The following NRXN1 variants were observed in gnomAD, a reference collection of about 807,000 sequenced individuals.
NRXN1 encodes the protein neurexin-1.
NRXN1 carries 39 observed loss-of-function variants against 150.9 expected under a neutral mutation model. The ratio of observed to expected loss-of-function variants is 0.26; its 90% CI spans 0.20 to 0.34. The LOEUF (loss-of-function observed/expected upper bound fraction) is 0.34. Among genes scored for constraint, NRXN1 ranks in the 10% least tolerant of loss-of-function variants. The pLI is 1.00. For synonymous variants in NRXN1, 924 were observed against 757.0 expected (o/e 1.22, Z -3.62); for missense variants, 1,815 against 1,949.9 (o/e 0.93, Z 1.30).
rs115583828 is a variant in NRXN1, at chr2:50,404,396, C to A, written c.3364+61046G>T. ...CTGAGGTGTGTGAACTCTGAACATT[C>A]TTCTTTAACCTCCCTAGTGGAAACC... On this transcript the variant is annotated intron_variant, in intron 17 of 22. Coordinates refer to ENST00000401669, the MANE Select transcript of NRXN1 (RefSeq NM_001330078.2). Among the ~76,000 whole-genome samples, 432 of 152,202 alleles carry A rather than the reference C, an allele frequency of 2.8e-3. 2 individuals are homozygous for A. The highest frequency in any genetic ancestry group is 5.0e-3 in the Non-Finnish European group (341 of 67,986).
chr2:50,201,728 C>T (rs1216617792), intron 18 of NRXN1, among the ~76,000 whole-genome samples: 5 of 152,256 alleles, frequency 3.3e-5, no homozygotes, highest in African/African-American at 1.2e-4. Context: ...GTTAGTAATT[C>T]AGGGGTACTT....
intron 17 of NRXN1, among the ~76,000 whole-genome samples, chr2:50,447,753 A>T (rs1396079270): frequency 3.4e-5 from 2 of 59,346 alleles, no homozygotes; most frequent in Non-Finnish European, 6.9e-5. Context: ...ATATATATAT[A>T]TATATATATA....
intron 5 of NRXN1, among the ~76,000 whole-genome samples, chr2:50,699,652 T>A (rs986214125): frequency 1.3e-5 from 2 of 151,210 alleles, no homozygotes; most frequent in Non-Finnish European, 2.9e-5. Context: ...CAGAAGGGAG[T>A]GAATTTAGTC....
chr2:50,265,947 TA>T (rs1316982548), intron 17 of NRXN1, among the ~76,000 whole-genome samples: 2 of 149,890 alleles, frequency 1.3e-5, no homozygotes, highest in African/African-American at 4.9e-5. Context: ...ACCAATTTTT[TA>T]TTTTATTTAT....
chr2:50,164,703 C>T (rs1030417679), intron 18 of NRXN1, among the ~76,000 whole-genome samples: 1 of 152,154 alleles, frequency 6.6e-6, no homozygotes, highest in Admixed American at 6.5e-5. Context: ...ACCGCCTAAT[C>T]CTCCTTCCCT....
intron 17 of NRXN1, among the ~76,000 whole-genome samples, chr2:50,348,675 A>C (rs2078213233): frequency 6.6e-6 from 1 of 152,182 alleles, no homozygotes; most frequent in Non-Finnish European, 1.5e-5. Flanking sequence ...AAGACCAGCA[A>C]AGCCAGCATA....
At chr2:50,630,208 A>C (rs1573880869) in intron 5 of NRXN1, among the ~76,000 whole-genome samples, 1 of 151,620 alleles carries the variant, frequency 6.6e-6, no homozygotes, top group African/African-American at 2.4e-5. Flanking sequence ...ATAAAAACAA[A>C]CTTCTTATAG....
At chr2:50,558,189 C>T (rs1338591053) in intron 8 of NRXN1, among the ~76,000 whole-genome samples, 2 of 152,068 alleles carry the variant, frequency 1.3e-5, no homozygotes, top group Non-Finnish European at 2.9e-5. Flanking sequence ...ATAATTATTT[C>T]CTATTACCAT....
intron 5 of NRXN1, among the ~76,000 whole-genome samples, chr2:50,718,428 A>T (rs1696154687): frequency 6.6e-6 from 1 of 152,196 alleles, no homozygotes; most frequent in African/African-American, 2.4e-5. Flanking sequence ...TTCTGTTCTC[A>T]AAAATCAAAC....
At chr2:50,992,111 G>A (rs976424882) in intron 2 of NRXN1, among the ~76,000 whole-genome samples, 5 of 151,980 alleles carry the variant, frequency 3.3e-5, no homozygotes, top group African/African-American at 7.2e-5. Context: ...GAAAGAGAGA[G>A]AGAAGAATAA....
intron 17 of NRXN1, among the ~76,000 whole-genome samples, chr2:50,314,822 TATTG>T (rs1235475294): frequency 6.6e-6 from 1 of 152,054 alleles, no homozygotes; most frequent in Non-Finnish European, 1.5e-5. Flanking sequence ...TGTTCACTTC[TATTG>T]TGGCCTGAGC....
At chr2:50,140,239 G>C (rs762919616) in intron 18 of NRXN1, among the ~76,000 whole-genome samples, 4 of 152,112 alleles carry the variant, frequency 2.6e-5, no homozygotes, top group Non-Finnish European at 5.9e-5. Flanking sequence ...ACATACACCT[G>C]ACTTCAGGGA....
intron 5 of NRXN1, among the ~76,000 whole-genome samples, chr2:50,840,493 T>C (rs1333680003): frequency 2.0e-5 from 3 of 152,052 alleles, no homozygotes; most frequent in African/African-American, 7.2e-5. Flanking sequence ...ATTATGACAA[T>C]GAAAAGTAGC....
chr2:50,868,797 T>C (rs918706047), intron 5 of NRXN1, among the ~76,000 whole-genome samples: 7 of 151,784 alleles, frequency 4.6e-5, no homozygotes, highest in African/African-American at 7.2e-5. Flanking sequence ...TGAGGAAACA[T>C]TGGTTTACCT....
At chr2:50,755,006 T>C (rs965043446) in intron 5 of NRXN1, among the ~76,000 whole-genome samples, 1 of 151,828 alleles carries the variant, frequency 6.6e-6, no homozygotes, top group Admixed American at 6.6e-5. Context: ...TATCTCCCAT[T>C]GATGTAGATT....
At chr2:50,390,532 AC>A (rs1223478268) in intron 17 of NRXN1, among the ~76,000 whole-genome samples, 1 of 152,154 alleles carries the variant, frequency 6.6e-6, no homozygotes, top group African/African-American at 2.4e-5. Flanking sequence ...GTGACAGGAG[AC>A]CTTGGTAAGT....
intron 8 of NRXN1, among the ~76,000 whole-genome samples, chr2:50,565,733 T>C (rs570243550): frequency 1.3e-5 from 2 of 152,240 alleles, no homozygotes; most frequent in East Asian, 1.9e-4. Context: ...CCAGCCTACT[T>C]ATCATTACTA....
intron 18 of NRXN1, among the ~76,000 whole-genome samples, chr2:50,211,762 C>G (rs7560135): frequency 0.099 from 14,986 of 151,320 alleles, 871 homozygotes; most frequent in South Asian, 0.16. Context: ...ATACATATTA[C>G]ACTCTTGGTT....
At position 50,888,831 on chromosome 2, in the gene NRXN1, A is replaced by C. The variant is rs906406143; in HGVS notation, c.832+33038T>G. Reference sequence around the variant, plus strand: ...TGATAATTAGCACAAATCATTACCTACATTCTATCTCTGATTAAGAAATGG... The same window carrying C: ...TGATAATTAGCACAAATCATTACCTCCATTCTATCTCTGATTAAGAAATGG... On this transcript the variant is annotated intron_variant, in intron 5 of 22. Coordinates refer to ENST00000401669, the MANE Select transcript of NRXN1 (RefSeq NM_001330078.2). 4.6e-5 allele frequency among the ~76,000 whole-genome samples: 7 copies of C among 151,754 alleles called. No individual in the cohort carries two copies. In the East Asian group the frequency reaches 1.4e-3, roughly 30 times the overall value.
Sources: allele counts gnomAD v4.1 joint callset (sites outside exome capture counted in the v4.1 genomes callset), GRCh38; gene constraint gnomAD v4.1.1; transcripts MANE v1.5; gene names NCBI Gene and HGNC (gene_info 2026-07-23, HGNC 2026-07-21).